The following UBA1 variants were observed in gnomAD, a reference collection of about 807,000 sequenced individuals.
UBA1 encodes the protein ubiquitin-like modifier-activating enzyme 1.
UBA1 carries 4 observed loss-of-function variants against 84.7 expected under a neutral mutation model. That is an observed-to-expected ratio of 0.05 (90% confidence interval 0.02 to 0.11). The LOEUF is 0.11. UBA1 is among the 10% of genes least tolerant of loss of function. The pLI, the probability that UBA1 is intolerant of heterozygous loss-of-function variation, is 1.00. For missense variants in UBA1, 513 were observed against 902.8 expected, an observed-to-expected ratio of 0.57 and a Z score of 5.53; for synonymous variants, 364 against 362.6, an observed-to-expected ratio of 1.00 and a Z score of -0.04.
Position 47,209,619 on chromosome X carries a change from G to A in UBA1, c.1939-4G>A. On this transcript the variant is annotated splice_region_variant and splice_polypyrimidine_tract_variant and intron_variant, in intron 16 of 25. Coordinates refer to ENST00000335972, the MANE Select transcript of UBA1 (RefSeq NM_003334.4). ...CACATGTAATCTGTTTGCTCTGTCTGCAGTGGGCTCGGGATGAGTTTGAAG... is the reference window on the plus strand; with the variant it reads ...CACATGTAATCTGTTTGCTCTGTCTACAGTGGGCTCGGGATGAGTTTGAAG... 1 of 1,211,012 alleles carries A rather than the reference G, an allele frequency of 8.3e-7. No homozygotes were observed. The highest frequency in any genetic ancestry group is 1.8e-5 in the South Asian group (1 of 56,952).
intron 16 of UBA1, among the ~76,000 whole-genome samples, chrX:47,206,887 T>G (rs1455300366): frequency 1.8e-5 from 2 of 110,907 alleles, no homozygotes; most frequent in African/African-American, 6.6e-5. Flanking sequence ...TCAGCACTAC[T>G]GACATTTGGG....
Position 47,198,883 on chromosome X carries a change from G to C in UBA1, c.81G>C (p.Gln27His), listed in dbSNP as rs1287237456. The C allele has an allele frequency of 8.3e-7, 1 of 1,210,624 alleles. No homozygotes were observed. Among genetic ancestry groups the C allele is most frequent in the African/African-American group, 1.7e-5 (1 of 57,275 alleles). The change falls in exon 2 of 26, where the codon CAG becomes CAC. Residue 27 changes from glutamine to histidine, a missense_variant. Physicochemically the swap from Gln to His is conservative, Grantham distance 24. Transcript: ENST00000335972. Reference protein sequence around the residue: ...PKPGSNCSPAQSVLSEVPSVP... With the variant: ...PKPGSNCSPAHSVLSEVPSVP... ...CGGGTTCTAACTGCTCCCCTGCCCA[G>C]TCCGTGTTGTCCGAAGTGCCCTCGG...
chrX:47,199,885 C>G lies in UBA1; in HGVS notation c.480+271C>G, dbSNP rs62592976. Among the ~76,000 whole-genome samples, 4,268 of 109,604 alleles carry G rather than the reference C, an allele frequency of 0.039. 79 individuals are homozygous for G. Among genetic ancestry groups the G allele is most frequent in the Middle Eastern group, 0.12 (26 of 216 alleles). On this transcript the variant is annotated intron_variant, in intron 5 of 25. Coordinates refer to ENST00000335972, the MANE Select transcript of UBA1 (RefSeq NM_003334.4). ...GCAAGCTACACCTCCTGGGTTCACGCCATTCTCCTGCCTCAGCCTCCCGAG... is the reference window on the plus strand; with the variant it reads ...GCAAGCTACACCTCCTGGGTTCACGGCATTCTCCTGCCTCAGCCTCCCGAG...
chrX:47,210,860 C>T lies in UBA1; in HGVS notation c.2218C>T (p.Pro740Ser). 1.7e-6 allele frequency: 2 copies of T among 1,211,330 alleles called. No individual in the cohort carries two copies. Among genetic ancestry groups the T allele is most frequent in the South Asian group, 1.8e-5 (1 of 56,871 alleles). The change falls in exon 19 of 26, where the codon CCG (proline) becomes TCG (serine). Residue 740 changes from proline (P) to serine (S), a missense_variant. Pro to Ser is a moderately conservative substitution (Grantham distance 74, BLOSUM62 -1). Coordinates refer to ENST00000335972, the MANE Select transcript of UBA1 (RefSeq NM_003334.4). ...PPDQLTSSGA[P>S]FWSGPKRCPH... The stretch of plus-strand genomic sequence containing the variant: ...CCCTTAGCTCACAAGCTCAGGAGCG[C>T]CGTTCTGGTCTGGGCCCAAACGCTG...
chrX:47,211,976 A>C, intron 20 of UBA1, among the ~76,000 whole-genome samples: 1 of 61,634 alleles, frequency 1.6e-5, no homozygotes, highest in African/African-American at 7.1e-5. Flanking sequence ...TCCCCCTTTT[A>C]TATCTTCTCC....
intron 8 of UBA1, 56 bp from the exon 9 acceptor site, chrX:47,202,100 G>T: frequency 2.0e-6 from 2 of 1,024,919 alleles, no homozygotes; most frequent in Non-Finnish European, 2.7e-6. Context: ...TCTTGCAGGG[G>T]TTGTGGATTT....
At position 47,201,375 on chromosome X, in the gene UBA1, A is replaced by T; in HGVS notation, c.678+9A>T. ...TTTCTATGGTTACCAAGGTAAGGAG[A>T]CCAGCCCTAGGGTTCCTGGCAGGCA... On this transcript the variant is annotated intron_variant, in intron 7 of 25. Transcript: ENST00000335972. The T allele has an allele frequency of 8.3e-7, 1 of 1,208,853 alleles. No homozygotes were observed. Among genetic ancestry groups the T allele is most frequent in the Non-Finnish European group, 1.1e-6 (1 of 893,571 alleles).
intron 21 of UBA1, 102 bp from the exon 22 acceptor site, chrX:47,212,651 GTGTTCCCAGCCATCCCTT>G: frequency 2.3e-6 from 2 of 854,561 alleles, no homozygotes; most frequent in Non-Finnish European, 3.4e-6. Flanking sequence ...GAATGAGTAG[GTGTTCCCAGCCATCCCTT>G]TGTGATCTGG....
At chrX:47,198,197 T>C (rs1556786098) in intron 1 of UBA1, 1 of 978,724 alleles carries the variant, frequency 1.0e-6, no homozygotes, top group South Asian at 2.0e-5. Flanking sequence ...CATGCCACCC[T>C]GATGGATGTC....
chrX:47,205,679 C>A, intron 14 of UBA1: 1 of 400,831 alleles, frequency 2.5e-6, no homozygotes, highest in Admixed American at 4.0e-5. Flanking sequence ...CATGACAAAA[C>A]CCTGTCTCTA....
intron 16 of UBA1, among the ~76,000 whole-genome samples, chrX:47,208,300 TGTGTGTACGTGTAA>T (rs1221963996): frequency 9.5e-6 from 1 of 104,935 alleles, no homozygotes; most frequent in Non-Finnish European, 1.9e-5. Context: ...TGTAAGTGTC[TGTGTGTACGTGTAA>T]GTGTGTGTAC....
At position 47,215,080 on chromosome X, in the gene UBA1, T is replaced by G; in HGVS notation, c.*151T>G. 6 of 786,992 alleles carry G rather than the reference T, an allele frequency of 7.6e-6. No individual in the cohort carries two copies. Among genetic ancestry groups the G allele is most frequent in the Non-Finnish European group, 1.1e-5 (6 of 534,884 alleles). The allele number at this position is 786,992 out of a possible 1,213,427, so 64.9% of individuals were successfully genotyped here. On this transcript the variant is annotated 3_prime_UTR_variant, in exon 26 of 26. Coordinates refer to ENST00000335972, the MANE Select transcript of UBA1 (RefSeq NM_003334.4). ...TACCTGAACCCCTCTTGCCACTGCCTTCTACCTTGTTTGAAACCTGAATCC... is the reference window on the plus strand; with the variant it reads ...TACCTGAACCCCTCTTGCCACTGCCGTCTACCTTGTTTGAAACCTGAATCC...
upstream of UBA1, among the ~76,000 whole-genome samples, chrX:47,193,134 T>C (rs1191718631): frequency 4.5e-5 from 5 of 111,665 alleles, no homozygotes; most frequent in Non-Finnish European, 1.9e-5. Context: ...GGCTATAGCA[T>C]CGTAATCCCT....
chrX:47,214,206 G>T, intron 23 of UBA1, 121 bp from the exon 24 acceptor site: 1 of 620,225 alleles, frequency 1.6e-6, no homozygotes, highest in East Asian at 3.3e-5. Flanking sequence ...AGAGGATTTC[G>T]AACAAAAGAG....
At chrX:47,206,491 C>CT in intron 16 of UBA1, 47 bp downstream of exon 16, 2 of 1,164,138 alleles carry the variant, frequency 1.7e-6, no homozygotes, top group Non-Finnish European at 2.3e-6. Flanking sequence ...TCTGGCCAGG[C>CT]TGCTGCCTCT....
intron 23 of UBA1, 106 bp downstream of exon 23, chrX:47,213,287 C>T: frequency 1.2e-6 from 1 of 850,164 alleles, no homozygotes; most frequent in Non-Finnish European, 1.6e-6. Flanking sequence ...TGTCTGTGTA[C>T]CTACCCTTTT....
At chrX:47,200,832 A>C in intron 5 of UBA1, 62 bp from the exon 6 acceptor site, 1 of 967,912 alleles carries the variant, frequency 1.0e-6, no homozygotes, top group Non-Finnish European at 1.4e-6. Flanking sequence ...AGTCCTCCAC[A>C]CCAGCCCTCC....
At chrX:47,191,689 G>A (rs1395701605), upstream of UBA1, 3 of 112,403 alleles carry the variant, frequency 2.7e-5, no homozygotes, top group Non-Finnish European at 5.6e-5. Context: ...CTGAAGGGGC[G>A]TTCTGAAGTC....
intron 8 of UBA1, 49 bp from the exon 9 acceptor site, chrX:47,202,107 A>G: frequency 9.2e-7 from 1 of 1,087,810 alleles, no homozygotes; most frequent in Non-Finnish European, 1.3e-6. Flanking sequence ...GGGGTTGTGG[A>G]TTTTAGGGAG....
Sources: gnomAD v4.1 joint callset for allele counts (sites outside exome capture counted in the v4.1 genomes callset) on GRCh38, gnomAD v4.1.1 for gene constraint, MANE v1.5 for transcripts, NCBI Gene and HGNC (gene_info 2026-07-23, HGNC 2026-07-21) for gene names.